Variants in TSGA10 observed in about 807,000 individuals in gnomAD.
TSGA10 encodes testis-specific gene 10 protein.
In TSGA10, 43 loss-of-function variants were observed where a neutral mutation model predicts 96.6. The ratio of observed to expected loss-of-function variants is 0.44; its 90% CI spans 0.35 to 0.57. TSGA10 has a LOEUF of 0.57. TSGA10 is among the 20% of genes least tolerant of loss of function. The probability of loss-of-function intolerance (pLI) is 0.01; values close to 1 mark genes in which losing one functional copy is unlikely to be tolerated. For synonymous variants in TSGA10, 229 were observed against 269.9 expected, an observed-to-expected ratio of 0.85 and a Z score of 1.48; for missense variants, 703 against 834.4, an observed-to-expected ratio of 0.84 and a Z score of 1.94.
intron 1 of TSGA10, chr2:99,150,690 C>G: frequency 6.2e-7 from 1 of 1,613,796 alleles, no homozygotes; most frequent in East Asian, 2.2e-5. Context: ...TTCAAAACAC[C>G]AAGAAAATAA....
intron 2 of TSGA10, chr2:99,125,727 A>G (rs1454540366): frequency 1.3e-5 from 2 of 152,172 alleles, no homozygotes; most frequent in Non-Finnish European, 2.9e-5. Flanking sequence ...CAGTTCCTCT[A>G]CTTGGCATCT....
intron 16 of TSGA10, among the ~76,000 whole-genome samples, chr2:99,046,781 G>A (rs1405099772): frequency 6.6e-6 from 1 of 152,088 alleles, no homozygotes; most frequent in African/African-American, 2.4e-5. Flanking sequence ...AATGAATCCA[G>A]GACCTGGTTT....
chr2:99,154,457 A>G (rs897757198), intron 1 of TSGA10: 4 of 152,956 alleles, frequency 2.6e-5, no homozygotes, highest in African/African-American at 9.7e-5. Flanking sequence ...TTTAAATGCA[A>G]TGTGTCTTTC....
chr2:99,087,505 T>A lies in TSGA10; in HGVS notation c.612-6108A>T, dbSNP rs555748755. On this transcript the variant is annotated intron_variant, in intron 10 of 20. Coordinates refer to ENST00000393483, the MANE Select transcript of TSGA10 (RefSeq NM_025244.4). ...TCGGCAACAAAAGTAAAACGCCGTC[T>A]GAACAAAAAATAAAAAATAAAATTT... Among the ~76,000 whole-genome samples the A allele has an allele frequency of 2.3e-4, 35 of 152,188 alleles. No homozygotes were observed. The South Asian group carries it at 7.1e-3, about 31-fold the overall frequency.
intron 14 of TSGA10, among the ~76,000 whole-genome samples, chr2:99,071,297 A>T (rs922014966): frequency 2.0e-5 from 3 of 152,182 alleles, no homozygotes; most frequent in African/African-American, 7.2e-5. Context: ...TTTCCTAAAA[A>T]GAATCACAGT....
intron 17 of TSGA10, among the ~76,000 whole-genome samples, chr2:99,031,970 G>A (rs920338471): frequency 5.9e-5 from 9 of 152,198 alleles, no homozygotes; most frequent in Middle Eastern, 3.2e-3. Context: ...TGACTGCACA[G>A]AGACCTTAAT....
At chr2:99,137,979 G>T (rs4850896) in intron 1 of TSGA10, among the ~76,000 whole-genome samples, 13 of 151,806 alleles carry the variant, frequency 8.6e-5, no homozygotes, top group African/African-American at 3.2e-4. Context: ...TATGAGGACA[G>T]AGTCTGAAGG....
Position 98,998,229 on chromosome 2 carries a change from A to G in TSGA10, c.2073-8T>C, listed in dbSNP as rs2077604447. The G allele has an allele frequency of 6.3e-7, 1 of 1,592,252 alleles. No homozygotes were observed. Among genetic ancestry groups the G allele is most frequent in the Non-Finnish European group, 8.5e-7 (1 of 1,170,792 alleles). On this transcript the variant is annotated splice_polypyrimidine_tract_variant and splice_region_variant and intron_variant, in intron 20 of 20. Transcript: ENST00000393483. ...TCTCTGTAGCAAAGATTCCTATAAG[A>G]GAAAAAATCATGCTGATTAATATTT...
intron 2 of TSGA10, among the ~76,000 whole-genome samples, chr2:99,123,891 T>G (rs979104764): frequency 2.7e-4 from 41 of 152,266 alleles, no homozygotes; most frequent in African/African-American, 9.4e-4. Flanking sequence ...TGTTGACATT[T>G]GGGTTTTTTC....
chr2:99,035,463 T>C (rs1358723878), intron 16 of TSGA10, 24 bp from the exon 17 acceptor site: 2 of 1,488,824 alleles, frequency 1.3e-6, no homozygotes, highest in South Asian at 1.2e-5. Flanking sequence ...ATTATATATA[T>C]GTATGTATAC....
intron 20 of TSGA10, among the ~76,000 whole-genome samples, chr2:99,008,009 G>A (rs557203903): frequency 7.9e-5 from 12 of 152,238 alleles, no homozygotes; most frequent in Admixed American, 4.6e-4. Context: ...TAGTCAGTTG[G>A]AAAAAGATAA....
At chr2:99,070,772 G>T (rs558571778) in intron 14 of TSGA10, among the ~76,000 whole-genome samples, 7 of 152,074 alleles carry the variant, frequency 4.6e-5, no homozygotes, top group African/African-American at 1.7e-4. Context: ...TAAACTTTTA[G>T]AATAGTTTTA....
At chr2:99,023,367 C>A (rs952507087) in intron 17 of TSGA10, among the ~76,000 whole-genome samples, 1 of 152,002 alleles carries the variant, frequency 6.6e-6, no homozygotes, top group South Asian at 2.1e-4. Context: ...CATCGTCTTG[C>A]CACTTTCTTG....
At chr2:99,111,476 G>C (rs2091808299) in intron 4 of TSGA10, among the ~76,000 whole-genome samples, 1 of 152,090 alleles carries the variant, frequency 6.6e-6, no homozygotes, top group South Asian at 2.1e-4. Flanking sequence ...AAAGTTCTTT[G>C]CTAATAGCAT....
At position 99,081,146 on chromosome 2, in the gene TSGA10, TCTA is replaced by T. The variant is rs543141905; in HGVS notation, c.727+133_727+135del. 42 of 416,016 alleles carry T rather than the reference TCTA, an allele frequency of 1.0e-4. No homozygotes were observed. In the South Asian group the frequency reaches 2.1e-3, roughly 21 times the overall value. The allele number at this position is 416,016 out of a possible 1,614,324, so 25.8% of individuals were successfully genotyped here. A position where few individuals can be genotyped will look rare whatever the true frequency, so the allele number is the denominator to read the frequency against. ...TTGCTGTCAAAGAAAAATGAATTTCTCTACTATTTTTTATTCATAAACTTAGTT... is the reference window on the plus strand; with the variant it reads ...TTGCTGTCAAAGAAAAATGAATTTCTCTATTTTTTATTCATAAACTTAGTT... On this transcript the variant is annotated intron_variant, in intron 11 of 20. Transcript: ENST00000393483.
At chr2:99,072,731 A>C (rs2086124620) in intron 13 of TSGA10, among the ~76,000 whole-genome samples, 1 of 151,508 alleles carries the variant, frequency 6.6e-6, no homozygotes, top group East Asian at 1.9e-4. Flanking sequence ...CTCCCCTTAC[A>C]CTCTAGGTTT....
At position 99,154,900 on chromosome 2, in the gene TSGA10, C is replaced by T. The variant is rs1208012570; in HGVS notation, c.-828G>A. ...CAGGCGGAGAGACTAGGCGCGATCC[C>T]TGCGCGCCCCTCCTTCTCTTGCGCT... On this transcript the variant is annotated 5_prime_UTR_variant, in exon 1 of 21. Transcript: ENST00000393483. The T allele has an allele frequency of 2.4e-6, 1 of 420,128 alleles. No homozygotes were observed. The allele number at this position is 420,128 out of a possible 1,614,324, so 26.0% of individuals were successfully genotyped here. A position where few individuals can be genotyped will look rare whatever the true frequency, so the allele number is the denominator to read the frequency against.
intron 11 of TSGA10, among the ~76,000 whole-genome samples, chr2:99,079,614 T>G (rs1480399725): frequency 2.6e-5 from 4 of 152,194 alleles, no homozygotes; most frequent in African/African-American, 9.7e-5. Flanking sequence ...GGAGTTTACC[T>G]ACTCTAGGTA....
intron 16 of TSGA10, among the ~76,000 whole-genome samples, chr2:99,038,683 G>A (rs2081899970): frequency 6.6e-6 from 1 of 152,104 alleles, no homozygotes; most frequent in Admixed American, 6.6e-5. Flanking sequence ...TAAAAAATGA[G>A]ATAGATGGCA....
Sources: gnomAD v4.1 joint callset for allele counts (sites outside exome capture counted in the v4.1 genomes callset) on GRCh38, gnomAD v4.1.1 for gene constraint, MANE v1.5 for transcripts, NCBI Gene and HGNC (gene_info 2026-07-23, HGNC 2026-07-21) for gene names.